ADD2: variants seen among roughly 807,000 people sequenced by gnomAD.
ADD2 encodes the protein adducin 2.
A neutral mutation model predicts 83.0 loss-of-function variants in ADD2; 23 were observed. That is an observed-to-expected ratio of 0.28 (90% CI 0.20 to 0.39). The LOEUF is 0.39. ADD2 is among the 10% of genes least tolerant of loss of function. The pLI is 1.00. For missense variants in ADD2, 758 were observed against 944.9 expected, an observed-to-expected ratio of 0.80 and a Z score of 2.59; for synonymous variants, 375 against 375.4, an observed-to-expected ratio of 1.00 and a Z score of 0.01.
At position 70,752,106 on chromosome 2, in the gene ADD2, G is replaced by C. The variant is rs575045328; in HGVS notation, c.-154+15780C>G. On this transcript the variant is annotated intron_variant, in intron 1 of 15. Coordinates refer to ENST00000264436, the MANE Select transcript of ADD2 (RefSeq NM_001617.4). ...AATTCTGTAACACACACGCGCTTTG[G>C]ACATTTGCCAATGGACATTTGCAAT... Among the ~76,000 whole-genome samples, 49 of 152,138 alleles carry C rather than the reference G, an allele frequency of 3.2e-4. 1 individual carries two copies. The highest frequency in any genetic ancestry group is 2.9e-4 in the Non-Finnish European group (20 of 68,032).
chr2:70,681,024 C>T (rs954386883), intron 10 of ADD2, among the ~76,000 whole-genome samples: 2 of 152,112 alleles, frequency 1.3e-5, no homozygotes, highest in Admixed American at 6.6e-5. Flanking sequence ...GATGAAAGAC[C>T]ACCAAGTTAG....
chr2:70,757,120 G>T (rs971424903), intron 1 of ADD2, among the ~76,000 whole-genome samples: 1 of 152,194 alleles, frequency 6.6e-6, no homozygotes, highest in South Asian at 2.1e-4. Flanking sequence ...AAGCCACCGT[G>T]CCCGGCTGGT....
At chr2:70,701,963 G>C (rs533871568) in intron 4 of ADD2, among the ~76,000 whole-genome samples, 1 of 152,232 alleles carries the variant, frequency 6.6e-6, no homozygotes, top group East Asian at 1.9e-4. Flanking sequence ...CCTACTATGT[G>C]CCAGATACAT....
intron 4 of ADD2, among the ~76,000 whole-genome samples, chr2:70,699,406 AG>A (rs1671473560): frequency 6.6e-6 from 1 of 152,216 alleles, no homozygotes; most frequent in African/African-American, 2.4e-5. Context: ...CGACCTAAAA[AG>A]GAACCAAAAA....
intron 4 of ADD2, among the ~76,000 whole-genome samples, chr2:70,699,573 A>T (rs868908649): frequency 2.6e-5 from 4 of 152,102 alleles, no homozygotes; most frequent in Admixed American, 6.6e-5. Flanking sequence ...TGAGCCTAGG[A>T]GTTTCAGACC....
intron 14 of ADD2, among the ~76,000 whole-genome samples, chr2:70,674,375 C>A (rs538392480): frequency 7.9e-4 from 121 of 152,228 alleles, no homozygotes; most frequent in African/African-American, 2.9e-3. Flanking sequence ...ATAATGATGA[C>A]TATGATCATT....
intron 2 of ADD2, among the ~76,000 whole-genome samples, chr2:70,709,785 C>G (rs568149406): frequency 2.4e-4 from 37 of 152,380 alleles, no homozygotes; most frequent in African/African-American, 4.8e-4. Context: ...AGAGAAACAT[C>G]TGCAAAGAAC....
At chr2:70,727,704 G>C (rs1462474079) in intron 1 of ADD2, among the ~76,000 whole-genome samples, 2 of 151,978 alleles carry the variant, frequency 1.3e-5, no homozygotes, top group Non-Finnish European at 2.9e-5. Flanking sequence ...AGACTAGCCT[G>C]GCCAACATGG....
At position 70,678,879 on chromosome 2, in the gene ADD2, G is replaced by C. The variant is rs199834771; in HGVS notation, c.1208C>G (p.Thr403Arg). The C allele has an allele frequency of 1.9e-6, 3 of 1,614,200 alleles. No individual in the cohort carries two copies. Among genetic ancestry groups the C allele is most frequent in the Non-Finnish European group, 2.5e-6 (3 of 1,180,034 alleles). ...CTCCTCAAACACGAAGGCTGTGACC[G>C]TGGCTGGAATCTCCACCTCACTTTT... Reference protein sequence around the residue: ...KHKSEVEIPATVTAFVFEEDG... With the variant: ...KHKSEVEIPARVTAFVFEEDG... The change falls in exon 11 of 16, where the codon ACG becomes AGG. Residue 403 changes from threonine to arginine, a missense_variant. Physicochemically the swap from Thr to Arg is moderately conservative, Grantham distance 71 (BLOSUM62 -1). This residue lies in a region of ADD2 where 394 missense variants were observed against 509.3 expected (regional missense o/e 0.77). Transcript: ENST00000264436.
At position 70,662,145 on chromosome 2, in the gene ADD2, TTGTC is replaced by T. The variant is rs1675559488; in HGVS notation, c.*1276_*1279del. 1 of 152,210 alleles carries T rather than the reference TTGTC, an allele frequency of 6.6e-6. No homozygotes were observed. The highest frequency in any genetic ancestry group is 2.4e-5 in the African/African-American group (1 of 41,446). 9.4% of individuals were successfully genotyped at this position (152,210 alleles called of 1,614,324 possible). On this transcript the variant is annotated 3_prime_UTR_variant, in exon 16 of 16. Coordinates refer to ENST00000264436, the MANE Select transcript of ADD2 (RefSeq NM_001617.4). ...GACACGGTGCTTTCAAGAGAATGGA[TTGTC>T]TAATTTTTAGGAGCCAACAAATGCT...
intron 1 of ADD2, among the ~76,000 whole-genome samples, chr2:70,724,033 C>G (rs1672859608): frequency 6.6e-6 from 1 of 152,210 alleles, no homozygotes; most frequent in South Asian, 2.1e-4. Context: ...ACCAAAAGTG[C>G]CCAGTGATGA....
chr2:70,701,761 T>G (rs1341673222), intron 4 of ADD2, among the ~76,000 whole-genome samples: 1 of 152,106 alleles, frequency 6.6e-6, no homozygotes, highest in East Asian at 1.9e-4. Context: ...GAAAATAGAA[T>G]GGATAAAGAT....
intron 2 of ADD2, among the ~76,000 whole-genome samples, chr2:70,712,452 T>TAAAAA (rs1308235441): frequency 7.8e-6 from 1 of 128,342 alleles, no homozygotes; most frequent in Non-Finnish European, 1.7e-5. Context: ...TCAAAAAAAA[T>TAAAAA]AAATAAATAA....
intron 12 of ADD2, among the ~76,000 whole-genome samples, chr2:70,677,428 C>T (rs2074814): frequency 0.3 from 45,559 of 152,058 alleles, 6,916 homozygotes; most frequent in African/African-American, 0.36. Context: ...GGCAAAAGTC[C>T]GGAAACAAAC....
chr2:70,723,013 A>T (rs1199088692), intron 1 of ADD2, among the ~76,000 whole-genome samples: 1 of 152,206 alleles, frequency 6.6e-6, no homozygotes, highest in Non-Finnish European at 1.5e-5. Context: ...AGAGAAAATT[A>T]AAAACTATGG....
At chr2:70,702,912 A>G (rs1553373688) in intron 4 of ADD2, among the ~76,000 whole-genome samples, 1 of 152,150 alleles carries the variant, frequency 6.6e-6, no homozygotes, top group East Asian at 1.9e-4. Flanking sequence ...GGATCACTTG[A>G]ACCCAGAAGT....
chr2:70,705,165 C>T (rs1671817869), intron 3 of ADD2, among the ~76,000 whole-genome samples: 1 of 152,178 alleles, frequency 6.6e-6, no homozygotes. Flanking sequence ...TCCTAACCCC[C>T]TTGCCACCCC....
At chr2:70,674,948 T>A (rs1670060213) in intron 13 of ADD2, 123 bp from the exon 14 acceptor site, 2 of 1,430,534 alleles carry the variant, frequency 1.4e-6, no homozygotes, top group Non-Finnish European at 9.3e-7. Flanking sequence ...GGCATGCAGC[T>A]CCTTGGAAAC....
intron 1 of ADD2, among the ~76,000 whole-genome samples, chr2:70,739,150 G>A (rs1454112480): frequency 1.3e-5 from 2 of 152,192 alleles, no homozygotes; most frequent in African/African-American, 4.8e-5. Flanking sequence ...ATCTGACAAA[G>A]GTGTAATATC....
Sources: gnomAD v4.1 joint callset for allele counts (sites outside exome capture counted in the v4.1 genomes callset) on GRCh38, gnomAD v4.1.1 for gene constraint, gnomAD v4.1.1 regional missense constraint, MANE v1.5 for transcripts, NCBI Gene and HGNC (gene_info 2026-07-23, HGNC 2026-07-21) for gene names.